The following MYO5B variants were observed in gnomAD, a reference collection of about 807,000 sequenced individuals.
MYO5B encodes unconventional myosin-Vb.
Under a neutral mutation model 229.3 loss-of-function variants are expected in MYO5B, and 143 were observed. The ratio of observed to expected loss-of-function variants is 0.62; its 90% confidence interval spans 0.54 to 0.72. The LOEUF (loss-of-function observed/expected upper bound fraction) is 0.72, where lower values mean the gene tolerates loss of function less well. Among genes scored for constraint, MYO5B ranks in the 30% least tolerant of loss-of-function variants. The probability of loss-of-function intolerance (pLI) is 0.00; values close to 1 mark genes in which losing one functional copy is unlikely to be tolerated. For missense variants in MYO5B, 2,321 were observed against 2,331.0 expected, an observed-to-expected ratio of 1.00 and a Z score of 0.09; for synonymous variants, 918 against 885.2, an observed-to-expected ratio of 1.04 and a Z score of -0.66.
intron 1 of MYO5B, among the ~76,000 whole-genome samples, chr18:50,183,542 G>C (rs79408685): frequency 1.3e-5 from 2 of 151,882 alleles, no homozygotes; most frequent in African/African-American, 2.4e-5. Flanking sequence ...TGGTAGGAAG[G>C]AGGCAGCTTT....
chr18:50,065,408 G>A (rs1468671038), intron 1 of MYO5B, among the ~76,000 whole-genome samples: 4 of 152,076 alleles, frequency 2.6e-5, no homozygotes, highest in African/African-American at 9.7e-5. Context: ...TGCATGGCTG[G>A]GGAGGCTTCA....
Position 49,837,581 on chromosome 18 carries a change from CT to C in MYO5B, c.5073del (p.Val1692Ter), listed in dbSNP as rs1190940683. The C allele has an allele frequency of 6.2e-7, 1 of 1,613,874 alleles. No homozygotes were observed. Among genetic ancestry groups the C allele is most frequent in the Non-Finnish European group, 8.5e-7 (1 of 1,179,870 alleles). On this transcript the variant is annotated frameshift_variant, in exon 37 of 40. Coordinates refer to ENST00000285039, the MANE Select transcript of MYO5B (RefSeq NM_001080467.3). LOFTEE classifies it high-confidence loss of function. ...CGCAAGAGCAGGTTGTTAAGAGTCA[CT>C]GCGTTGATCATGTAGAAGAGCTGTT... ...VFKQLFYMIN[A>X]VTLNNLLLRK...
intron 14 of MYO5B, among the ~76,000 whole-genome samples, chr18:49,949,140 G>A (rs930155394): frequency 3.9e-5 from 6 of 152,078 alleles, no homozygotes; most frequent in African/African-American, 9.7e-5. Context: ...CAGAAATACT[G>A]CCCAGTACAC....
intron 33 of MYO5B, among the ~76,000 whole-genome samples, chr18:49,844,023 C>G (rs1215297363): frequency 6.6e-6 from 1 of 152,226 alleles, no homozygotes; most frequent in East Asian, 1.9e-4. Flanking sequence ...GCATGCATCT[C>G]TCCAGCGGCT....
At chr18:49,839,708 A>G (rs1169898074) in intron 35 of MYO5B, among the ~76,000 whole-genome samples, 1 of 152,198 alleles carries the variant, frequency 6.6e-6, no homozygotes, top group African/African-American at 2.4e-5. Flanking sequence ...GCCAGATTAT[A>G]CGCTTGTATG....
rs774139620 is a variant in MYO5B, at chr18:49,992,290, G to A, written c.754C>T (p.Gln252Ter). The A allele has an allele frequency of 1.9e-6, 3 of 1,614,140 alleles. No individual in the cohort carries two copies. The highest frequency in any genetic ancestry group is 2.5e-6 in the Non-Finnish European group (3 of 1,180,018). ...YLLEKSRVVF[Q>*]ADDERNYHIF... ...AGGGCGCAAATCCTCCCACTCACCTGGAAGACCACTCTGGACTTCTCCAAG... is the reference window on the plus strand; with the variant it reads ...AGGGCGCAAATCCTCCCACTCACCTAGAAGACCACTCTGGACTTCTCCAAG... The change falls in exon 6 of 40, where the codon CAG (glutamine) becomes TAG (stop). Residue 252 changes from glutamine (Q) to a stop codon, truncating the protein, a stop_gained and splice_region_variant. Coordinates refer to ENST00000285039, the MANE Select transcript of MYO5B (RefSeq NM_001080467.3). LOFTEE classifies it high-confidence loss of function.
At chr18:49,922,279 A>ATTAAGCAGTTAGGTAGCATTATTATT (rs1341541165) in intron 17 of MYO5B, among the ~76,000 whole-genome samples, 14 of 152,368 alleles carry the variant, frequency 9.2e-5, no homozygotes, top group African/African-American at 3.4e-4. Context: ...AATCTCCTGG[A>ATTAAGCAGTTAGGTAGCATTATTATT]TTAAGCAGTT....
At chr18:49,953,967 ATG>A (rs1240962514) in intron 13 of MYO5B, among the ~76,000 whole-genome samples, 10 of 65,152 alleles carry the variant, frequency 1.5e-4, no homozygotes, top group African/African-American at 7.0e-5. Context: ...GTGTGTGTGT[ATG>A]TGTGTGTGTA....
intron 14 of MYO5B, among the ~76,000 whole-genome samples, chr18:49,939,139 C>CTT (rs200099934): frequency 1.5e-5 from 2 of 130,578 alleles, no homozygotes; most frequent in South Asian, 2.4e-4. Context: ...AACACTCTTT[C>CTT]TTTTTTTTCT....
Position 49,906,679 on chromosome 18 carries a change from A to T in MYO5B, c.2203-49T>A, listed in dbSNP as rs756791298. On this transcript the variant is annotated intron_variant, in intron 18 of 39. Coordinates refer to ENST00000285039, the MANE Select transcript of MYO5B (RefSeq NM_001080467.3). Reference sequence around the variant, plus strand: ...TGGTTGGTCACCAGTGAGCAGAGAAATAACATGGCCCATACCACCCTTGTT... The same window carrying T: ...TGGTTGGTCACCAGTGAGCAGAGAATTAACATGGCCCATACCACCCTTGTT... 19 of 1,506,820 alleles carry T rather than the reference A, an allele frequency of 1.3e-5. No homozygotes were observed. In the African/African-American group the frequency reaches 2.1e-4, roughly 17 times the overall value. 93.3% of individuals were successfully genotyped at this position (1,506,820 alleles called of 1,614,324 possible). A position where few individuals can be genotyped will look rare whatever the true frequency, so the allele number is the denominator to read the frequency against.
At chr18:49,965,625 T>C (rs1023684024) in intron 10 of MYO5B, among the ~76,000 whole-genome samples, 2 of 152,112 alleles carry the variant, frequency 1.3e-5, no homozygotes, top group Non-Finnish European at 2.9e-5. Context: ...TTATTATTAA[T>C]CCCATCCTGT....
At chr18:50,024,839 C>A (rs925871351) in intron 4 of MYO5B, among the ~76,000 whole-genome samples, 3 of 152,164 alleles carry the variant, frequency 2.0e-5, no homozygotes, top group African/African-American at 7.2e-5. Context: ...TAGCCATACA[C>A]TGGGACTTAA....
intron 4 of MYO5B, among the ~76,000 whole-genome samples, chr18:50,017,417 G>A (rs557748476): frequency 1.3e-4 from 20 of 152,224 alleles, no homozygotes; most frequent in African/African-American, 4.3e-4. Context: ...GGGCCACTGC[G>A]CCCGGCTACC....
At chr18:50,085,971 G>C (rs1342438300) in intron 1 of MYO5B, among the ~76,000 whole-genome samples, 1 of 151,914 alleles carries the variant, frequency 6.6e-6, no homozygotes, top group Non-Finnish European at 1.5e-5. Context: ...TGCTAAATGA[G>C]GAGTTAATGG....
intron 1 of MYO5B, among the ~76,000 whole-genome samples, chr18:50,188,321 C>A (rs184626313): frequency 6.6e-5 from 10 of 152,090 alleles, no homozygotes; most frequent in African/African-American, 2.4e-4. Flanking sequence ...AAGCCTTTCC[C>A]GCAATACTGT....
chr18:50,000,232 T>C (rs2026030976), intron 5 of MYO5B, among the ~76,000 whole-genome samples: 1 of 152,192 alleles, frequency 6.6e-6, no homozygotes, highest in Non-Finnish European at 1.5e-5. Flanking sequence ...CCAAACTCCA[T>C]GGTGACTTGT....
chr18:50,076,515 A>G (rs968107691), intron 1 of MYO5B, among the ~76,000 whole-genome samples: 2 of 152,214 alleles, frequency 1.3e-5, no homozygotes, highest in African/African-American at 4.8e-5. Flanking sequence ...AGAGCACGGA[A>G]TATGTCAGGA....
intron 1 of MYO5B, among the ~76,000 whole-genome samples, chr18:50,086,541 G>A (rs947290294): frequency 5.9e-5 from 9 of 152,198 alleles, no homozygotes; most frequent in African/African-American, 2.2e-4. Flanking sequence ...ACCTTGACAA[G>A]TGTTCTTTAC....
chr18:49,992,206 G>C, intron 6 of MYO5B, 82 bp downstream of exon 6: 1 of 1,565,258 alleles, frequency 6.4e-7, no homozygotes, highest in East Asian at 2.2e-5. Flanking sequence ...ATTCTCTTTG[G>C]GTCCAGGGAG....
Sources: allele counts gnomAD v4.1 joint callset (sites outside exome capture counted in the v4.1 genomes callset), GRCh38; gene constraint gnomAD v4.1.1; transcripts MANE v1.5; gene names NCBI Gene and HGNC (gene_info 2026-07-23, HGNC 2026-07-21).